Variants in LARS2 observed in about 807,000 individuals in gnomAD.
The protein encoded by LARS2 is leucyl-tRNA synthetase 2, mitochondrial, also known as leucine--tRNA ligase, mitochondrial.
LARS2 carries 81 observed loss-of-function variants against 116.6 expected under a neutral mutation model. The ratio of observed to expected loss-of-function variants is 0.69; its 90% CI spans 0.58 to 0.84. The LOEUF (loss-of-function observed/expected upper bound fraction) is 0.84. Ranked by LOEUF, LARS2 falls within the 40% of genes least tolerant of loss-of-function variation. LARS2 has a pLI of 0.00. For missense variants in LARS2, 968 were observed against 1,114.5 expected (o/e 0.87, Z 1.87); for synonymous variants, 396 against 407.2 (o/e 0.97, Z 0.33).
intron 8 of LARS2, among the ~76,000 whole-genome samples, chr3:45,463,885 G>T (rs1306981293): frequency 6.6e-6 from 1 of 152,060 alleles, no homozygotes; most frequent in Admixed American, 6.6e-5. Context: ...GGTCCAAGGA[G>T]GTATCACTGA....
intron 10 of LARS2, among the ~76,000 whole-genome samples, chr3:45,480,725 T>C (rs1182852327): frequency 6.6e-6 from 1 of 152,238 alleles, no homozygotes; most frequent in Non-Finnish European, 1.5e-5. Context: ...AGGTATAGCA[T>C]GCGAGCTGCT....
At chr3:45,491,367 A>T in intron 12 of LARS2, 150 bp from the exon 13 acceptor site, 1 of 713,022 alleles carries the variant, frequency 1.4e-6, no homozygotes, top group South Asian at 2.0e-5. Flanking sequence ...AGGCAGAAGC[A>T]CCTAGGGCTC....
chr3:45,539,163 A>G (rs1700753724), intron 20 of LARS2, among the ~76,000 whole-genome samples: 1 of 152,218 alleles, frequency 6.6e-6, no homozygotes, highest in Non-Finnish European at 1.5e-5. Flanking sequence ...AGTAAACACA[A>G]AAGAAATTAC....
chr3:45,546,243 C>T (rs533821035), intron 21 of LARS2, among the ~76,000 whole-genome samples: 1 of 152,338 alleles, frequency 6.6e-6, no homozygotes, highest in African/African-American at 2.4e-5. Flanking sequence ...TCCAGGGTCT[C>T]AGTCCAGCCA....
At chr3:45,509,601 T>C (rs1227620450) in intron 15 of LARS2, 1 of 152,082 alleles carries the variant, frequency 6.6e-6, no homozygotes, top group African/African-American at 2.4e-5. Flanking sequence ...TACCCAATTA[T>C]CATGTAAATA....
intron 15 of LARS2, among the ~76,000 whole-genome samples, chr3:45,512,689 A>G (rs9817223): frequency 0.04 from 6,142 of 152,324 alleles, 345 homozygotes; most frequent in African/African-American, 0.13. Context: ...GTGGATAGGT[A>G]CACATTTATG....
chr3:45,543,829 G>C (rs2125772584), intron 21 of LARS2, among the ~76,000 whole-genome samples: 2 of 152,290 alleles, frequency 1.3e-5, no homozygotes, highest in South Asian at 4.1e-4. Flanking sequence ...GCATCCCTGA[G>C]AACTTGTCCT....
intron 15 of LARS2, among the ~76,000 whole-genome samples, chr3:45,502,776 T>A (rs998011784): frequency 6.6e-6 from 1 of 152,104 alleles, no homozygotes; most frequent in Non-Finnish European, 1.5e-5. Flanking sequence ...ATTAACCCAT[T>A]CTTTGAGTTT....
chr3:45,464,166 G>A (rs903911775), intron 8 of LARS2, among the ~76,000 whole-genome samples: 2 of 152,136 alleles, frequency 1.3e-5, no homozygotes, highest in African/African-American at 4.8e-5. Flanking sequence ...GAACACACTG[G>A]TCTTGTTTTA....
intron 4 of LARS2, among the ~76,000 whole-genome samples, chr3:45,411,699 TTTTTTAAAAAATTTA>T (rs1698334441): frequency 6.6e-6 from 1 of 152,232 alleles, no homozygotes; most frequent in Non-Finnish European, 1.5e-5. Flanking sequence ...GCTTTTTAAC[TTTTTTAAAAAATTTA>T]TTTTAGGTTC....
intron 6 of LARS2, among the ~76,000 whole-genome samples, chr3:45,427,018 C>T (rs1279820010): frequency 1.3e-5 from 2 of 152,098 alleles, no homozygotes; most frequent in Non-Finnish European, 2.9e-5. Flanking sequence ...CATGGTCTGT[C>T]GCCCCTCGGA....
At chr3:45,439,564 C>T (rs2125699870) in intron 6 of LARS2, among the ~76,000 whole-genome samples, 1 of 151,532 alleles carries the variant, frequency 6.6e-6, no homozygotes, top group South Asian at 2.1e-4. Context: ...CAGGTAGCTG[C>T]CTAATGAAGT....
intron 16 of LARS2, among the ~76,000 whole-genome samples, chr3:45,514,563 G>A (rs1700343066): frequency 6.6e-6 from 1 of 152,162 alleles, no homozygotes; most frequent in South Asian, 2.1e-4. Context: ...CACAGTTAGT[G>A]AAGTGTTCTC....
rs146378764 is a variant in LARS2, at chr3:45,394,534, G to C, written c.81G>C (p.Lys27Asn). Residue 27 changes from lysine (K) to asparagine (N), a missense_variant, in exon 3 of 22, where the codon AAG (lysine) becomes AAC (asparagine). By Grantham distance (94) the Lys-to-Asn change is moderately conservative. Transcript: ENST00000645846. ...RQLNGGPDVI[K>N]WERRVIPGCT... ...TAAATGGTGGGCCAGATGTCATCAA[G>C]TGGGAAAGGAGAGTAATTCCCGGAT... 12 of 1,614,084 alleles carry C rather than the reference G, an allele frequency of 7.4e-6. No individual in the cohort carries two copies. In the African/African-American group the frequency reaches 9.3e-5, roughly 13 times the overall value.
At chr3:45,492,919 A>T (rs747679843) in intron 13 of LARS2, among the ~76,000 whole-genome samples, 3 of 152,282 alleles carry the variant, frequency 2.0e-5, no homozygotes, top group Middle Eastern at 3.4e-3. Context: ...TGGCTCCAGG[A>T]GGAAAATAGC....
intron 4 of LARS2, among the ~76,000 whole-genome samples, chr3:45,403,913 G>C (rs1269142064): frequency 1.3e-5 from 2 of 152,106 alleles, no homozygotes; most frequent in Non-Finnish European, 2.9e-5. Context: ...CTTTAACATA[G>C]GGATAACAAT....
At chr3:45,412,923 T>C (rs1426594388) in intron 4 of LARS2, among the ~76,000 whole-genome samples, 1 of 152,264 alleles carries the variant, frequency 6.6e-6, no homozygotes, top group Non-Finnish European at 1.5e-5. Flanking sequence ...AGTGCACAGA[T>C]GGCTGCCTTC....
intron 8 of LARS2, 66 bp downstream of exon 8, chr3:45,458,952 T>C: frequency 6.6e-7 from 1 of 1,526,294 alleles, no homozygotes. Flanking sequence ...CAAAGGCTTC[T>C]GGGTATGAGA....
chr3:45,468,309 G>A (rs185790567), intron 8 of LARS2, among the ~76,000 whole-genome samples: 44 of 152,200 alleles, frequency 2.9e-4, no homozygotes, highest in African/African-American at 1.0e-3. Flanking sequence ...TTACCATTTT[G>A]TTTTTTATGA....
Sources: gnomAD v4.1 joint callset for allele counts (sites outside exome capture counted in the v4.1 genomes callset) on GRCh38, gnomAD v4.1.1 for gene constraint, MANE v1.5 for transcripts, NCBI Gene and HGNC (gene_info 2026-07-23, HGNC 2026-07-21) for gene names.